Variants in MCM9 observed in about 807,000 individuals in gnomAD.
MCM9 encodes the protein minichromosome maintenance 9 homologous recombination repair factor, also known as DNA helicase MCM9.
Under a neutral mutation model 72.8 loss-of-function variants are expected in MCM9, and 55 were observed. The observed-to-expected ratio is 0.76, with a 90% CI of 0.61 to 0.95. MCM9 has a LOEUF of 0.95. MCM9 is among the 40% of genes least tolerant of loss of function. MCM9 has a pLI of 0.00. For missense variants in MCM9, 1,279 were observed against 1,377.0 expected (o/e 0.93, Z 1.13); for synonymous variants, 480 against 503.4 (o/e 0.95, Z 0.62).
intron 9 of MCM9, among the ~76,000 whole-genome samples, chr6:118,842,218 TGTTAA>T (rs1364314285): frequency 3.9e-5 from 6 of 152,226 alleles, no homozygotes; most frequent in Non-Finnish European, 8.8e-5. Flanking sequence ...ATCATAGAAA[TGTTAA>T]GTTTTCTCCT....
rs1278842838 is a variant in MCM9, at chr6:118,881,489, T to C, written c.1151-24944A>G. On this transcript the variant is annotated intron_variant, in intron 8 of 13. Transcript: ENST00000619706. ...ATGTGCGGAATTTATTGTATAAGTA[T>C]TACATTTTCTCTATGAGGACATGGA... Among the ~76,000 whole-genome samples, 3 of 152,188 alleles carry C rather than the reference T, an allele frequency of 2.0e-5. No individual in the cohort carries two copies. The East Asian group carries it at 5.8e-4, about 29-fold the overall frequency.
At chr6:118,889,286 G>C (rs1179430389) in intron 8 of MCM9, among the ~76,000 whole-genome samples, 1 of 152,132 alleles carries the variant, frequency 6.6e-6, no homozygotes, top group African/African-American at 2.4e-5. Context: ...CTTTCTAAAT[G>C]ACCATGCATA....
intron 8 of MCM9, chr6:118,894,367 G>T: frequency 6.5e-7 from 1 of 1,536,250 alleles, no homozygotes; most frequent in Non-Finnish European, 8.7e-7. Context: ...GGACTTTATT[G>T]TGCCGCAACC....
In MCM9 at chr6:118,830,984, A is replaced by G. The variant is rs527840827; in HGVS notation, c.1326-1734T>C. Among the ~76,000 whole-genome samples, 10 of 152,340 alleles carry G rather than the reference A, an allele frequency of 6.6e-5. No homozygotes were observed. In the South Asian group the frequency reaches 2.1e-3, roughly 32 times the overall value. On this transcript the variant is annotated intron_variant, in intron 9 of 13. Coordinates refer to ENST00000619706, the MANE Select transcript of MCM9 (RefSeq NM_017696.3). ...GAGAAACTTCGGTGGGGACACCTGG[A>G]GATCTATAGGGGATATAATTGGAGA...
intron 8 of MCM9, among the ~76,000 whole-genome samples, chr6:118,901,635 C>G (rs949932815): frequency 1.3e-5 from 2 of 152,094 alleles, no homozygotes; most frequent in Admixed American, 1.3e-4. Context: ...TGTTAAATTG[C>G]TATATGGAAC....
At position 118,824,133 on chromosome 6, in the gene MCM9, C is replaced by T. The variant is rs1226358237; in HGVS notation, c.1961+2014G>A. 3.4e-5 allele frequency among the ~76,000 whole-genome samples: 5 copies of T among 148,464 alleles called. 1 individual carries two copies. Among genetic ancestry groups the T allele is most frequent in the African/African-American group, 1.2e-4 (5 of 40,374 alleles). On this transcript the variant is annotated intron_variant, in intron 13 of 13. Transcript: ENST00000619706. The stretch of plus-strand genomic sequence containing the variant: ...GTGGCACGATCACGGCTCACTGAAA[C>T]CTCTGCCCCCCGGGGCAAACCCATG...
chr6:118,880,052 A>AAC, intron 8 of MCM9, among the ~76,000 whole-genome samples: 1 of 135,468 alleles, frequency 7.4e-6, no homozygotes, highest in South Asian at 2.2e-4. Context: ...AAACAACAAC[A>AAC]AAAAAAAAAC....
intron 8 of MCM9, among the ~76,000 whole-genome samples, chr6:118,860,186 A>G (rs1562413752): frequency 6.6e-6 from 1 of 152,230 alleles, no homozygotes; most frequent in South Asian, 2.1e-4. Flanking sequence ...GAAATAATCA[A>G]ACTGAATTTA....
In MCM9 at chr6:118,814,830, C is replaced by G; in HGVS notation, c.3426G>C (p.Lys1142Asn). 6.7e-7 allele frequency: 1 copy of G among 1,494,536 alleles called. No individual in the cohort carries two copies. The highest frequency in any genetic ancestry group is 8.9e-7 in the Non-Finnish European group (1 of 1,120,746). 92.6% of individuals were successfully genotyped at this position (1,494,536 alleles called of 1,614,324 possible). Residue 1142 changes from lysine (K) to asparagine (N), a missense_variant, in exon 14 of 14, where the codon AAG (lysine) becomes AAC (asparagine). Transcript: ENST00000619706. The part of the protein sequence containing the change: ...DCDWDEEMRK[K>N]S ...ACCAGAAAGCTTTTCCCAACTATGA[C>G]TTTTTTCTCATCTCTTCATCCCAGT...
rs1774159822 is a variant in MCM9 at position 118,826,256 on chromosome 6, T to C, written c.1852A>G (p.Thr618Ala). 1 of 1,550,358 alleles carries C rather than the reference T, an allele frequency of 6.5e-7. No individual in the cohort carries two copies. Among genetic ancestry groups the C allele is most frequent in the Non-Finnish European group, 8.7e-7 (1 of 1,146,924 alleles). The change falls in exon 13 of 14, where the codon ACT becomes GCT. Residue 618 changes from threonine (T) to alanine (A), a missense_variant. Thr to Ala is a moderately conservative substitution (Grantham distance 58). Transcript: ENST00000619706. ...TCTCCAGGGTTTTCAGGAAAGGAAG[T>C]GTGGAGGGCATTCACACCTCCTAGC... is the stretch of plus-strand genomic sequence containing the variant. ...ALLGGVNALH[T>A]SFPENPGEQY...
intron 5 of MCM9, chr6:118,921,202 T>C (rs1171319733): frequency 2.6e-5 from 4 of 152,202 alleles, no homozygotes; most frequent in East Asian, 1.9e-4. Flanking sequence ...CTGTGCTTGA[T>C]TGTCTATGAG....
chr6:118,928,728 T>C (rs1346916492), intron 3 of MCM9, among the ~76,000 whole-genome samples: 1 of 150,518 alleles, frequency 6.6e-6, no homozygotes, highest in Non-Finnish European at 1.5e-5. Flanking sequence ...GGCACATGCC[T>C]GTAGTCCCAG....
At chr6:118,837,431 TTC>T (rs1775038890) in intron 9 of MCM9, among the ~76,000 whole-genome samples, 2 of 152,186 alleles carry the variant, frequency 1.3e-5, no homozygotes, top group Non-Finnish European at 2.9e-5. Context: ...CTTGTTAATT[TTC>T]TGTCTCGTTG....
chr6:118,815,590 T>G lies in MCM9; in HGVS notation c.2666A>C (p.Asp889Ala), dbSNP rs750687316. ...TPVHSPDRML[D>A]SPKRKRPKSL... is the part of the protein sequence containing the mutation. The stretch of plus-strand genomic sequence containing the variant: ...TTTCGGTCTCTTTCTTTTGGGTGAG[T>G]CCAGCATTCTGTCTGGGCTATGTAC... Residue 889 changes from aspartate to alanine, a missense_variant, in exon 14 of 14, where the codon GAC (aspartate) becomes GCC (alanine). Asp to Ala is a moderately radical substitution (Grantham distance 126). Coordinates refer to ENST00000619706, the MANE Select transcript of MCM9 (RefSeq NM_017696.3). The G allele has an allele frequency of 1.3e-6, 2 of 1,550,424 alleles. No individual in the cohort carries two copies. The highest frequency in any genetic ancestry group is 2.4e-5 in the South Asian group (2 of 84,054).
At chr6:118,922,834 A>C (rs777822759) in intron 4 of MCM9, among the ~76,000 whole-genome samples, 6 of 152,022 alleles carry the variant, frequency 3.9e-5, no homozygotes, top group Admixed American at 6.6e-5. Flanking sequence ...AGGGTTTGAG[A>C]CCAGTCTGAC....
intron 9 of MCM9, among the ~76,000 whole-genome samples, chr6:118,843,581 T>C (rs184055938): frequency 0.013 from 1,359 of 108,652 alleles, 27 homozygotes; most frequent in African/African-American, 0.041. Context: ...TGAGCCAAGA[T>C]TGCGCCACTG....
chr6:118,932,434 T>C lies in MCM9; in HGVS notation c.-16+173A>G, dbSNP rs139228346. 1.3e-3 allele frequency among the ~76,000 whole-genome samples: 200 copies of C among 152,366 alleles called. 3 individuals are homozygous for C. The East Asian group carries it at 0.03, about 23-fold the overall frequency. ...ATACACACACATTTGCTCTCAAGTATAAAATCTGAAACATATCTTTTGGCT... is the reference window on the plus strand; with the variant it reads ...ATACACACACATTTGCTCTCAAGTACAAAATCTGAAACATATCTTTTGGCT... On this transcript the variant is annotated intron_variant, in intron 2 of 13. Transcript: ENST00000619706.
chr6:118,828,858 C>G (rs1237025001), intron 10 of MCM9, among the ~76,000 whole-genome samples, 190 bp downstream of exon 10: 5 of 152,102 alleles, frequency 3.3e-5, no homozygotes, highest in African/African-American at 1.2e-4. Context: ...GAGAAAGGCC[C>G]TTTTCCTTCA....
At chr6:118,817,919 G>A (rs1437564466) in intron 13 of MCM9, among the ~76,000 whole-genome samples, 1 of 152,048 alleles carries the variant, frequency 6.6e-6, no homozygotes. Context: ...ATGTTTGTTG[G>A]CTGCATGAAT....
Sources: gnomAD v4.1 joint callset for allele counts (sites outside exome capture counted in the v4.1 genomes callset) on GRCh38, gnomAD v4.1.1 for gene constraint, MANE v1.5 for transcripts, NCBI Gene and HGNC (gene_info 2026-07-23, HGNC 2026-07-21) for gene names.